Variants in ALKAL1 observed in about 807,000 individuals in gnomAD.
The protein encoded by ALKAL1 is ALK and LTK ligand 1, also known as AUG-beta.
A neutral mutation model predicts 13.5 loss-of-function variants in ALKAL1; 23 were observed. The ratio of observed to expected loss-of-function variants is 1.70; its 90% confidence interval spans 1.23 to 2.41. The LOEUF is 2.41. ALKAL1 is among the 30% of genes most tolerant of loss of function. ALKAL1 has a pLI of 0.00. For synonymous variants in ALKAL1, 85 were observed against 77.7 expected (o/e 1.09, Z -0.49); for missense variants, 181 against 178.4 (o/e 1.01, Z -0.08).
intron 1 of ALKAL1, among the ~76,000 whole-genome samples, chr8:52,560,440 C>T (rs1847536615): frequency 6.6e-6 from 1 of 152,188 alleles, no homozygotes; most frequent in Non-Finnish European, 1.5e-5. Context: ...GTTTTTCTAT[C>T]CTCCTACACA....
At chr8:52,549,336 T>G (rs935615904) in intron 1 of ALKAL1, among the ~76,000 whole-genome samples, 2 of 151,930 alleles carry the variant, frequency 1.3e-5, no homozygotes, top group Non-Finnish European at 2.9e-5. Context: ...GAGAGAATTA[T>G]AGATGAGAAC....
At chr8:52,558,657 T>C (rs1331710440) in intron 1 of ALKAL1, among the ~76,000 whole-genome samples, 3 of 152,108 alleles carry the variant, frequency 2.0e-5, no homozygotes, top group Non-Finnish European at 4.4e-5. Flanking sequence ...TTATAGGCAT[T>C]GGCTGAAACA....
chr8:52,546,090 G>A lies in ALKAL1; in HGVS notation c.191-3645C>T, dbSNP rs528144091. On this transcript the variant is annotated intron_variant, in intron 1 of 4. Coordinates refer to ENST00000358543, the MANE Select transcript of ALKAL1 (RefSeq NM_207413.4). ...ATAGAAAAGGAATAGTAAAAATACA[G>A]TATTATAATCTTATAGGACCACCAT... is the stretch of plus-strand genomic sequence containing the variant. 8.5e-5 allele frequency among the ~76,000 whole-genome samples: 13 copies of A among 152,326 alleles called. No individual in the cohort carries two copies. The East Asian group carries it at 1.3e-3, about 16-fold the overall frequency.
chr8:52,563,046 G>T (rs1241258866), intron 1 of ALKAL1, among the ~76,000 whole-genome samples: 1 of 152,196 alleles, frequency 6.6e-6, no homozygotes, highest in African/African-American at 2.4e-5. Flanking sequence ...TACAGTCACA[G>T]AAAGCAATGG....
chr8:52,538,511 G>A lies in ALKAL1; in HGVS notation c.326-4C>T. ...AATCTAGCACATCTTTTGTAATCTA[G>A]GAAAAACATTTAAAGGTAAATTATA... On this transcript the variant is annotated splice_region_variant and splice_polypyrimidine_tract_variant and intron_variant, in intron 3 of 4. Transcript: ENST00000358543. 2 of 1,594,598 alleles carry A rather than the reference G, an allele frequency of 1.3e-6. No individual in the cohort carries two copies. The highest frequency in any genetic ancestry group is 1.1e-5 in the South Asian group (1 of 89,620).
intron 1 of ALKAL1, among the ~76,000 whole-genome samples, chr8:52,555,498 C>A (rs1213502144): frequency 2.0e-5 from 3 of 152,054 alleles, no homozygotes; most frequent in Non-Finnish European, 2.9e-5. Flanking sequence ...AGATAGGCAG[C>A]AGATAATGAA....
chr8:52,564,576 C>G (rs2150349006), intron 1 of ALKAL1, among the ~76,000 whole-genome samples: 1 of 152,326 alleles, frequency 6.6e-6, no homozygotes, highest in East Asian at 1.9e-4. Flanking sequence ...GTAACATAAG[C>G]CGCCGCCTGC....
At chr8:52,549,958 A>G (rs1847414200) in intron 1 of ALKAL1, among the ~76,000 whole-genome samples, 1 of 152,172 alleles carries the variant, frequency 6.6e-6, no homozygotes, top group Admixed American at 6.5e-5. Flanking sequence ...AAATAAATAC[A>G]TAAAAATACT....
chr8:52,555,505 T>C (rs1228489264), intron 1 of ALKAL1, among the ~76,000 whole-genome samples: 1 of 151,992 alleles, frequency 6.6e-6, no homozygotes, highest in Non-Finnish European at 1.5e-5. Flanking sequence ...CAGCAGATAA[T>C]GAATATATAA....
At chr8:52,546,396 G>A (rs12678963) in intron 1 of ALKAL1, among the ~76,000 whole-genome samples, 29,578 of 152,116 alleles carry the variant, frequency 0.19, 3,822 homozygotes, top group East Asian at 0.64. Flanking sequence ...ATTAAAGTTC[G>A]TCTTGCTTTA....
chr8:52,537,067 T>C (rs997279879), intron 4 of ALKAL1, among the ~76,000 whole-genome samples: 1 of 152,108 alleles, frequency 6.6e-6, no homozygotes, highest in Non-Finnish European at 1.5e-5. Flanking sequence ...GAGAAAAGAT[T>C]TGCAAACCAT....
intron 1 of ALKAL1, among the ~76,000 whole-genome samples, chr8:52,563,615 TTC>T (rs1247230118): frequency 6.6e-6 from 1 of 152,220 alleles, no homozygotes; most frequent in Non-Finnish European, 1.5e-5. Flanking sequence ...TGACATTTTA[TTC>T]TCTGAGATAA....
chr8:52,541,081 G>T (rs1349402020), intron 2 of ALKAL1, among the ~76,000 whole-genome samples: 1 of 152,202 alleles, frequency 6.6e-6, no homozygotes. Flanking sequence ...ATAATTCAGT[G>T]ATTTGCTAGA....
intron 1 of ALKAL1, among the ~76,000 whole-genome samples, chr8:52,550,478 T>C (rs938790124): frequency 1.3e-4 from 20 of 152,178 alleles, no homozygotes; most frequent in Admixed American, 2.6e-4. Flanking sequence ...ACTTTACATA[T>C]GGAATAAGTA....
intron 1 of ALKAL1, among the ~76,000 whole-genome samples, chr8:52,561,086 T>G (rs1847545343): frequency 6.6e-6 from 1 of 152,226 alleles, no homozygotes; most frequent in Admixed American, 6.5e-5. Flanking sequence ...TAAAAAAAAG[T>G]ACCCATCCAT....
Position 52,558,109 on chromosome 8 carries a change from C to A in ALKAL1, c.190+6958G>T, listed in dbSNP as rs184661087. On this transcript the variant is annotated intron_variant, in intron 1 of 4. Transcript: ENST00000358543. ...AGGAGTTCAAGACCAGCCTGGCCAA[C>A]ATGGCAAAACCCTGTCTCTACTACA... is the stretch of plus-strand genomic sequence containing the variant. Among the ~76,000 whole-genome samples the A allele has an allele frequency of 3.6e-4, 55 of 151,416 alleles. No homozygotes were observed. In the East Asian group the frequency reaches 9.3e-3, roughly 26 times the overall value.
chr8:52,534,619 A>G lies in ALKAL1; in HGVS notation c.*13-19T>C, dbSNP rs759032795. ...GAAATGTCTGTGGGGGTAAAAGAAG[A>G]GCCATATCATTTATGACCTGGTTTT... On this transcript the variant is annotated intron_variant, in intron 4 of 4. Coordinates refer to ENST00000358543, the MANE Select transcript of ALKAL1 (RefSeq NM_207413.4). The G allele has an allele frequency of 8.4e-6, 5 of 592,646 alleles. No individual in the cohort carries two copies. Among genetic ancestry groups the G allele is most frequent in the Non-Finnish European group, 1.2e-5 (4 of 335,934 alleles). 36.7% of individuals were successfully genotyped at this position (592,646 alleles called of 1,614,324 possible). A position where few individuals can be genotyped will look rare whatever the true frequency, so the allele number is the denominator to read the frequency against.
chr8:52,545,407 C>T (rs1847359393), intron 1 of ALKAL1, among the ~76,000 whole-genome samples: 1 of 152,158 alleles, frequency 6.6e-6, no homozygotes, highest in African/African-American at 2.4e-5. Flanking sequence ...CTGAGCCACA[C>T]TAAATTGTGT....
At position 52,542,453 on chromosome 8, in the gene ALKAL1, GA is replaced by G. The variant is rs559421625; in HGVS notation, c.191-9del. On this transcript the variant is annotated splice_polypyrimidine_tract_variant and intron_variant, in intron 1 of 4. Transcript: ENST00000358543. ...AGTCTCTTGGGAATATTTCTGAAAA[GA>G]AAAAAAAAACCATCAGAATTTATTG... 2.5e-3 allele frequency: 3,322 copies of G among 1,342,076 alleles called. 48 individuals carry two copies. In the African/African-American group the frequency reaches 0.034, roughly 14 times the overall value. The allele number at this position is 1,342,076 out of a possible 1,614,324, so 83.1% of individuals were successfully genotyped here.
Sources: gnomAD v4.1 joint callset for allele counts (sites outside exome capture counted in the v4.1 genomes callset) on GRCh38, gnomAD v4.1.1 for gene constraint, MANE v1.5 for transcripts, NCBI Gene and HGNC (gene_info 2026-07-23, HGNC 2026-07-21) for gene names.